Variants in CNTN6 observed in about 807,000 individuals in gnomAD.
CNTN6 encodes contactin 6.
A neutral mutation model predicts 122.8 loss-of-function variants in CNTN6; 137 were observed. The observed-to-expected ratio is 1.12, with a 90% confidence interval of 0.97 to 1.29. The LOEUF is 1.29. Ranked by LOEUF, CNTN6 falls within the 50% of genes most tolerant of loss-of-function variation. The pLI is 0.00. For missense variants in CNTN6, 1,634 were observed against 1,223.4 expected, an observed-to-expected ratio of 1.34 and a Z score of -5.01; for synonymous variants, 570 against 426.0, an observed-to-expected ratio of 1.34 and a Z score of -4.16.
intron 12 of CNTN6, among the ~76,000 whole-genome samples, chr3:1,352,875 C>G (rs1705880215): frequency 6.6e-6 from 1 of 151,544 alleles, no homozygotes; most frequent in Non-Finnish European, 1.5e-5. Context: ...TTATATAACT[C>G]CAGGTACAAA....
At chr3:1,119,250 T>G (rs1034592640) in intron 1 of CNTN6, among the ~76,000 whole-genome samples, 11 of 151,488 alleles carry the variant, frequency 7.3e-5, no homozygotes, top group Admixed American at 3.3e-4. Context: ...TTTATTTATT[T>G]ATTGATGGTC....
At chr3:1,271,805 G>T (rs1018313590) in intron 4 of CNTN6, among the ~76,000 whole-genome samples, 1 of 152,128 alleles carries the variant, frequency 6.6e-6, no homozygotes, top group Non-Finnish European at 1.5e-5. Flanking sequence ...TGGAGTATTA[G>T]TTTATGTTAA....
chr3:1,220,168 C>G (rs114414865), intron 2 of CNTN6, among the ~76,000 whole-genome samples: 3,082 of 151,838 alleles, frequency 0.02, 115 homozygotes, highest in African/African-American at 0.071. Flanking sequence ...CCAGCTTGAG[C>G]AACAGAAGGT....
At position 1,149,204 on chromosome 3, in the gene CNTN6, C is replaced by T. The variant is rs1282049675; in HGVS notation, c.55+1141C>T. Reference sequence around the variant, plus strand: ...AATCATAGAGTTCATAATTACTGAGCTTAATTGTCAAGATTAATTGTTGAG... The same window carrying T: ...AATCATAGAGTTCATAATTACTGAGTTTAATTGTCAAGATTAATTGTTGAG... On this transcript the variant is annotated intron_variant, in intron 2 of 22. Coordinates refer to ENST00000446702, the MANE Select transcript of CNTN6 (RefSeq NM_001289080.2). Among the ~76,000 whole-genome samples the T allele has an allele frequency of 2.0e-5, 3 of 151,756 alleles. No homozygotes were observed. In the East Asian group the frequency reaches 5.8e-4, roughly 29 times the overall value.
chr3:1,218,420 G>A (rs1388763780), intron 2 of CNTN6, among the ~76,000 whole-genome samples: 1 of 152,090 alleles, frequency 6.6e-6, no homozygotes, highest in Non-Finnish European at 1.5e-5. Context: ...TGGGGTGAAG[G>A]AGGACATCCA....
chr3:1,126,731 A>C (rs546119888), intron 1 of CNTN6, among the ~76,000 whole-genome samples: 54 of 151,980 alleles, frequency 3.6e-4, no homozygotes, highest in African/African-American at 1.1e-3. Context: ...ACTGGAAACA[A>C]TGTCTTGAGC....
chr3:1,153,572 T>A (rs1398748330), intron 2 of CNTN6, among the ~76,000 whole-genome samples: 1 of 152,224 alleles, frequency 6.6e-6, no homozygotes. Context: ...TACTTCTTTA[T>A]AAATAACACA....
intron 3 of CNTN6, among the ~76,000 whole-genome samples, chr3:1,224,552 A>G (rs1326369137): frequency 1.3e-5 from 2 of 151,534 alleles, no homozygotes; most frequent in Non-Finnish European, 2.9e-5. Flanking sequence ...TGCAATCATT[A>G]TTTGTCAATT....
chr3:1,215,524 T>G (rs1019344091), intron 2 of CNTN6, among the ~76,000 whole-genome samples: 5 of 152,204 alleles, frequency 3.3e-5, no homozygotes, highest in Non-Finnish European at 5.9e-5. Context: ...ATTTATCTGG[T>G]TCTATTGTCT....
intron 4 of CNTN6, among the ~76,000 whole-genome samples, chr3:1,270,061 T>C (rs1050648097): frequency 2.0e-5 from 3 of 152,290 alleles, no homozygotes; most frequent in Non-Finnish European, 1.5e-5. Context: ...GACAATAACA[T>C]TGTGCTTGAT....
intron 10 of CNTN6, among the ~76,000 whole-genome samples, chr3:1,329,095 GTA>G (rs1701922306): frequency 6.6e-6 from 1 of 150,996 alleles, no homozygotes; most frequent in African/African-American, 2.4e-5. Flanking sequence ...GTATATATGT[GTA>G]TATACGTATA....
intron 1 of CNTN6, among the ~76,000 whole-genome samples, chr3:1,144,608 TAAAA>T (rs1185179756): frequency 2.1e-5 from 3 of 142,726 alleles, no homozygotes; most frequent in Non-Finnish European, 4.6e-5. Flanking sequence ...AAATAAAAAA[TAAAA>T]AAAGAATGAA....
intron 2 of CNTN6, among the ~76,000 whole-genome samples, chr3:1,159,982 G>A (rs1236194864): frequency 6.6e-6 from 1 of 151,752 alleles, no homozygotes; most frequent in Admixed American, 6.6e-5. Context: ...CACCACACCT[G>A]GCTAATTTTT....
intron 4 of CNTN6, among the ~76,000 whole-genome samples, chr3:1,258,509 G>A (rs990835032): frequency 2.6e-5 from 4 of 152,088 alleles, no homozygotes; most frequent in African/African-American, 9.7e-5. Flanking sequence ...CAAAGCTTGA[G>A]TGTGCAGTGG....
intron 12 of CNTN6, among the ~76,000 whole-genome samples, chr3:1,371,935 A>G (rs1283072706): frequency 6.6e-6 from 1 of 152,168 alleles, no homozygotes; most frequent in Admixed American, 6.6e-5. Context: ...AACAGAGAGC[A>G]TTTAGAGCTG....
In CNTN6 at chr3:1,388,286, C is replaced by A. The variant is rs1311916337; in HGVS notation, c.2704+2489C>A. ...CCCGAGCAGCCTAACTGGGAGGCAC[C>A]CCCCAGCAGGGGCACACTGACACCT... On this transcript the variant is annotated intron_variant, in intron 20 of 22. Transcript: ENST00000446702. 3.4e-5 allele frequency among the ~76,000 whole-genome samples: 5 copies of A among 147,966 alleles called. No individual in the cohort carries two copies. In the East Asian group the frequency reaches 9.9e-4, roughly 29 times the overall value.
At chr3:1,316,193 G>A (rs1407367235) in intron 7 of CNTN6, among the ~76,000 whole-genome samples, 1 of 151,852 alleles carries the variant, frequency 6.6e-6, no homozygotes, top group Admixed American at 6.6e-5. Context: ...TGCTATAAAT[G>A]AGAGGCGTAT....
chr3:1,098,728 T>G (rs1353492509), intron 1 of CNTN6, among the ~76,000 whole-genome samples: 1 of 146,094 alleles, frequency 6.8e-6, no homozygotes, highest in African/African-American at 2.4e-5. Flanking sequence ...AGGTGTTACA[T>G]AAGTCTTTGA....
rs144985654 is a variant in CNTN6 at position 1,168,188 on chromosome 3, G to A, written c.55+20125G>A. Among the ~76,000 whole-genome samples, 472 of 152,058 alleles carry A rather than the reference G, an allele frequency of 3.1e-3. 2 individuals carry two copies. The highest frequency in any genetic ancestry group is 0.011 in the African/African-American group (454 of 41,476). ...CTCCCAAAGTGCTGGGACTACAGGC[G>A]TGACACATCGCGCCCGGCCTGGAAA... On this transcript the variant is annotated intron_variant, in intron 2 of 22. Transcript: ENST00000446702.
Sources: gnomAD v4.1 joint callset for allele counts (sites outside exome capture counted in the v4.1 genomes callset) on GRCh38, gnomAD v4.1.1 for gene constraint, MANE v1.5 for transcripts, NCBI Gene and HGNC (gene_info 2026-07-23, HGNC 2026-07-21) for gene names.